LCTL: variants seen among roughly 807,000 people sequenced by gnomAD.
LCTL encodes lactase-like protein.
A neutral mutation model predicts 75.8 loss-of-function variants in LCTL; 76 were observed. The observed-to-expected ratio is 1.00, with a 90% CI of 0.83 to 1.21. LCTL has a LOEUF of 1.21. LCTL is among the 50% of genes most tolerant of loss of function. LCTL has a pLI of 0.00. For missense variants in LCTL, 670 were observed against 712.4 expected (o/e 0.94, Z 0.68); for synonymous variants, 271 against 268.8 (o/e 1.01, Z -0.08).
intron 4 of LCTL, among the ~76,000 whole-genome samples, chr15:66,563,071 T>G (rs1466763693): frequency 5.9e-5 from 9 of 152,206 alleles, no homozygotes; most frequent in African/African-American, 2.2e-4. Flanking sequence ...ATGTTGAAAC[T>G]GTATCCCCTG....
intron 8 of LCTL, among the ~76,000 whole-genome samples, chr15:66,557,316 A>G (rs1895762776): frequency 6.6e-6 from 1 of 152,102 alleles, no homozygotes; most frequent in South Asian, 2.1e-4. Flanking sequence ...CTTCTCCAAC[A>G]CTGTGGAAAC....
At chr15:66,554,558 T>C (rs973375981) in intron 8 of LCTL, among the ~76,000 whole-genome samples, 1 of 152,216 alleles carries the variant, frequency 6.6e-6, no homozygotes, top group Non-Finnish European at 1.5e-5. Context: ...TCTTTCAAAG[T>C]TGTAAAAGCA....
At chr15:66,555,566 AAAAG>A (rs1895721746) in intron 8 of LCTL, among the ~76,000 whole-genome samples, 1 of 152,082 alleles carries the variant, frequency 6.6e-6, no homozygotes, top group African/African-American at 2.4e-5. Flanking sequence ...GAAAGAAAGA[AAAAG>A]AAAACATAGA....
intron 8 of LCTL, among the ~76,000 whole-genome samples, chr15:66,556,412 C>G (rs1052403202): frequency 6.6e-6 from 1 of 152,154 alleles, no homozygotes; most frequent in African/African-American, 2.4e-5. Context: ...TCAAGTGATT[C>G]TCCTGCCTCA....
At chr15:66,559,893 C>T (rs1041847699) in intron 6 of LCTL, among the ~76,000 whole-genome samples, 2 of 151,992 alleles carry the variant, frequency 1.3e-5, no homozygotes, top group African/African-American at 4.8e-5. Flanking sequence ...TCAGGACCAG[C>T]CTGGCCAACA....
chr15:66,565,320 C>T (rs1328540707), exon 1 of LCTL: 13 of 1,613,658 alleles, frequency 8.1e-6, no homozygotes, highest in Non-Finnish European at 1.0e-5. Context: ...AGCCTGGGCA[C>T]CAGCAGTAGC....
At chr15:66,553,483 T>C (rs1035314714) in intron 8 of LCTL, among the ~76,000 whole-genome samples, 3 of 152,184 alleles carry the variant, frequency 2.0e-5, no homozygotes, top group Admixed American at 6.5e-5. Context: ...AGGCCGGGCG[T>C]GGTGGCTCAC....
At chr15:66,552,680 A>AC (rs1435564546) in intron 9 of LCTL, among the ~76,000 whole-genome samples, 72 of 143,260 alleles carry the variant, frequency 5.0e-4, no homozygotes, top group African/African-American at 1.7e-3. Flanking sequence ...AAAAAAAAAA[A>AC]AAAAAAAAAC....
chr15:66,563,856 C>G (rs987118006), intron 3 of LCTL, 55 bp downstream of exon 4: 1 of 1,410,076 alleles, frequency 7.1e-7, no homozygotes, highest in African/African-American at 1.4e-5. Flanking sequence ...CCCTGCAAAG[C>G]CAACATTGCC....
At chr15:66,551,641 A>G (rs1895602848) in intron 11 of LCTL, 21 bp downstream of exon 12, 1 of 1,594,474 alleles carries the variant, frequency 6.3e-7, no homozygotes, top group Non-Finnish European at 8.6e-7. Flanking sequence ...CAGAACAGAT[A>G]ACATTGATAA....
In LCTL at chr15:66,551,859, T is replaced by G. The variant is rs1402226966; in HGVS notation, c.1327A>C (p.Ile443Leu). 8.1e-6 allele frequency: 13 copies of G among 1,607,320 alleles called. No individual in the cohort carries two copies. The highest frequency in any genetic ancestry group is 1.0e-5 in the Non-Finnish European group (12 of 1,176,924). Residue 443 changes from isoleucine (I) to leucine (L), a missense_variant and splice_region_variant, in exon 11 of 13, where the codon ATA becomes CTA. Coordinates refer to ENST00000341509, the Ensembl canonical transcript of LCTL. ...CCCTTTATATTAGCACCATCTTTTA[T>G]AGCTGCAAAGACATTTTATTCCATT...
chr15:66,554,288 CAA>C (rs547806774), intron 8 of LCTL, among the ~76,000 whole-genome samples: 11 of 43,414 alleles, frequency 2.5e-4, no homozygotes, highest in Admixed American at 2.5e-4. Context: ...AAGACTGTCT[CAA>C]AAAAAAAAAA....
chr15:66,562,543 T>C (rs1895915605), intron 4 of LCTL, among the ~76,000 whole-genome samples: 1 of 152,008 alleles, frequency 6.6e-6, no homozygotes, highest in South Asian at 2.1e-4. Context: ...TCAAACAAAT[T>C]GTAGAAAAAA....
At chr15:66,548,480 T>C in exon 13 of LCTL, 1 of 1,494,352 alleles carries the variant, frequency 6.7e-7, no homozygotes, top group African/African-American at 1.4e-5. Context: ...CCAAAATTGA[T>C]AATCCTGTCT....
chr15:66,565,901 T>C (rs34859976), upstream of LCTL: 14,026 of 153,890 alleles, frequency 0.091, 816 homozygotes, highest in Middle Eastern at 0.13. Context: ...CAGTCGCTGG[T>C]AGTCAGAGCC....
chr15:66,553,185 A>G (rs199910623), exon 9 of LCTL: 9 of 1,610,374 alleles, frequency 5.6e-6, no homozygotes, highest in Middle Eastern at 1.7e-4. Context: ...ATGTGCCTTT[A>G]ATGTAGCTCT....
exon 11 of LCTL, chr15:66,551,830 A>G (rs1895611799): frequency 6.2e-7 from 1 of 1,613,696 alleles, no homozygotes; most frequent in African/African-American, 1.3e-5. Context: ...ACCAGGAAGT[A>G]TACCCCTTTA....
chr15:66,557,276 A>G (rs1895761771), intron 8 of LCTL, among the ~76,000 whole-genome samples: 1 of 152,154 alleles, frequency 6.6e-6, no homozygotes, highest in South Asian at 2.1e-4. Flanking sequence ...AAATTGATAT[A>G]TCCCTGTAAG....
Position 66,548,399 on chromosome 15 carries a change from GA to G in LCTL, c.*90del, listed in dbSNP as rs1895460997. On this transcript the variant is annotated 3_prime_UTR_variant, in exon 13 of 13. Coordinates refer to ENST00000341509, the Ensembl canonical transcript of LCTL. ...AAAAAAGGTAATTATTGTAGAACCTGAAAACAGCAATGTATGGAAACCCTCA... is the reference window on the plus strand; with the variant it reads ...AAAAAAGGTAATTATTGTAGAACCTGAAACAGCAATGTATGGAAACCCTCA... 8.9e-6 allele frequency: 5 copies of G among 563,986 alleles called. No individual in the cohort carries two copies. The East Asian group carries it at 1.4e-4, about 16-fold the overall frequency. The allele number at this position is 563,986 out of a possible 1,614,324, so 34.9% of individuals were successfully genotyped here.
Sources: allele counts gnomAD v4.1 joint callset (sites outside exome capture counted in the v4.1 genomes callset), GRCh38; gene constraint gnomAD v4.1.1; transcripts MANE v1.5; gene names NCBI Gene and HGNC (gene_info 2026-07-23, HGNC 2026-07-21).